The following UBE2U variants were observed in gnomAD, a reference collection of about 807,000 sequenced individuals.
UBE2U encodes the protein ubiquitin-conjugating enzyme E2 U.
UBE2U carries 39 observed loss-of-function variants against 41.2 expected under a neutral mutation model. That is an observed-to-expected ratio of 0.95 (90% CI 0.73 to 1.24). The LOEUF (loss-of-function observed/expected upper bound fraction) is 1.24, where lower values mean the gene tolerates loss of function less well. UBE2U is among the 50% of genes most tolerant of loss of function. The probability of loss-of-function intolerance (pLI) is 0.00; values close to 1 mark genes in which losing one functional copy is unlikely to be tolerated. For missense variants in UBE2U, 336 were observed against 363.1 expected (o/e 0.93, Z 0.61); for synonymous variants, 107 against 117.8 (o/e 0.91, Z 0.60).
intron 8 of UBE2U, among the ~76,000 whole-genome samples, chr1:64,250,236 TTGAAA>T (rs1644984768): frequency 1.3e-5 from 2 of 152,188 alleles, no homozygotes; most frequent in South Asian, 2.1e-4. Flanking sequence ...AACCACATAG[TTGAAA>T]TGAACACATT....
chr1:64,254,553 C>G (rs1347211047), intron 8 of UBE2U, among the ~76,000 whole-genome samples: 1 of 152,168 alleles, frequency 6.6e-6, no homozygotes, highest in Non-Finnish European at 1.5e-5. Context: ...TCATAACAGA[C>G]TTTCAGACCA....
At chr1:64,239,761 T>C (rs113248515) in intron 7 of UBE2U, among the ~76,000 whole-genome samples, 3,286 of 152,220 alleles carry the variant, frequency 0.022, 118 homozygotes, top group African/African-American at 0.075. Flanking sequence ...CTTAATCCAG[T>C]CTATCATTGG....
At position 64,260,621 on chromosome 1, in the gene UBE2U, T is replaced by C. The variant is rs1645166322; in HGVS notation, c.696T>C (p.Cys232=). Residue 232 remains cysteine, a synonymous_variant, in exon 9 of 10, where the codon TGT becomes TGC. Transcript: ENST00000371077. ...TTTCTAGGTATTCCGTTATCAAGTG[T>C]TGGCTTGCTAGAAAAAGAATGCCTC... is the stretch of plus-strand genomic sequence containing the variant. ...EWNLKYSVIK[C]WLARKRMPHE... 1 of 1,549,126 alleles carries C rather than the reference T, an allele frequency of 6.5e-7. No individual in the cohort carries two copies. The highest frequency in any genetic ancestry group is 1.2e-5 in the South Asian group (1 of 83,948).
At chr1:64,250,756 C>T (rs1644994382) in intron 8 of UBE2U, among the ~76,000 whole-genome samples, 2 of 151,988 alleles carry the variant, frequency 1.3e-5, no homozygotes, top group Admixed American at 6.6e-5. Context: ...AGTTCATGTC[C>T]TTTGTAGGGA....
intron 6 of UBE2U, among the ~76,000 whole-genome samples, chr1:64,224,350 A>C (rs140321122): frequency 0.014 from 2,061 of 152,320 alleles, 23 homozygotes; most frequent in Middle Eastern, 0.031. Flanking sequence ...AACAAAACTG[A>C]TTAAGTAAAC....
At chr1:64,239,130 A>AAGGAGAAGG (rs1557730284) in intron 7 of UBE2U, among the ~76,000 whole-genome samples, 6 of 23,188 alleles carry the variant, frequency 2.6e-4, no homozygotes, top group African/African-American at 1.2e-3. Flanking sequence ...GAAGAAGAAG[A>AAGGAGAAGG]AGAAGAAGAA....
Position 64,259,038 on chromosome 1 carries a change from A to G in UBE2U, c.678-1565A>G, listed in dbSNP as rs1296447209. Among the ~76,000 whole-genome samples the G allele has an allele frequency of 2.6e-5, 4 of 151,318 alleles. No homozygotes were observed. In the East Asian group the frequency reaches 7.8e-4, roughly 29 times the overall value. On this transcript the variant is annotated intron_variant, in intron 8 of 9. Coordinates refer to ENST00000371077, the MANE Select transcript of UBE2U (RefSeq NM_001366232.2). ...TCTAACTGGCGTGAGATGGTATCTC[A>G]TTGTGGTTTTGATTTGCATTTCTCT...
At chr1:64,252,554 C>T (rs982800779) in intron 8 of UBE2U, among the ~76,000 whole-genome samples, 6 of 152,174 alleles carry the variant, frequency 3.9e-5, no homozygotes, top group African/African-American at 1.4e-4. Context: ...AAGGAACAGG[C>T]TGCCATCTTT....
At chr1:64,262,817 G>C (rs1314385374) in intron 9 of UBE2U, among the ~76,000 whole-genome samples, 2 of 152,278 alleles carry the variant, frequency 1.3e-5, no homozygotes, top group Middle Eastern at 3.4e-3. Flanking sequence ...AGGGATTCTA[G>C]GGGCCATCTT....
chr1:64,229,517 A>G (rs907478069), intron 6 of UBE2U, among the ~76,000 whole-genome samples: 1 of 152,188 alleles, frequency 6.6e-6, no homozygotes, highest in Non-Finnish European at 1.5e-5. Context: ...GAGAGGTTAG[A>G]TAACTTGCTC....
rs1437768538 is a variant in UBE2U, at chr1:64,210,794, G to C, written c.294G>C (p.Lys98Asn). ...TAGACTTTTTGGACAACCCTGAGAA[G>C]TGGAATACAAACTATACATTGAGCA... ...PCIDFLDNPEKWNTNYTLSSI... is the reference protein window; with the variant it reads ...PCIDFLDNPENWNTNYTLSSI... Residue 98 changes from lysine to asparagine, a missense_variant, in exon 4 of 10, where the codon AAG becomes AAC. Physicochemically the swap from Lys to Asn is moderately conservative, Grantham distance 94. Coordinates refer to ENST00000371077, the MANE Select transcript of UBE2U (RefSeq NM_001366232.2). 2.5e-6 allele frequency: 4 copies of C among 1,607,788 alleles called. No homozygotes were observed. In the African/African-American group the frequency reaches 4.0e-5, roughly 16 times the overall value.
intron 8 of UBE2U, among the ~76,000 whole-genome samples, chr1:64,258,290 T>C (rs1645126849): frequency 1.3e-5 from 2 of 152,222 alleles, no homozygotes; most frequent in Non-Finnish European, 2.9e-5. Context: ...CTGGTAGTAT[T>C]GTATAAGTGA....
At chr1:64,265,397 CAAT>C (rs772320423) in intron 9 of UBE2U, among the ~76,000 whole-genome samples, 5 of 152,130 alleles carry the variant, frequency 3.3e-5, no homozygotes, top group Non-Finnish European at 5.9e-5. Flanking sequence ...GTTAGTCCAT[CAAT>C]AATATGTTCA....
intron 6 of UBE2U, 142 bp from the exon 7 acceptor site, chr1:64,232,419 G>A: frequency 1.9e-6 from 1 of 538,404 alleles, no homozygotes; most frequent in Non-Finnish European, 3.3e-6. Context: ...GGATACAATT[G>A]TTAAAAATGC....
chr1:64,266,805 T>C (rs537901910), intron 9 of UBE2U, among the ~76,000 whole-genome samples: 1 of 152,272 alleles, frequency 6.6e-6, no homozygotes, highest in Non-Finnish European at 1.5e-5. Context: ...GCTAAATGAA[T>C]GAACTAACAA....
At chr1:64,207,869 T>C (rs1651399843) in intron 3 of UBE2U, among the ~76,000 whole-genome samples, 2 of 152,198 alleles carry the variant, frequency 1.3e-5, no homozygotes, top group Admixed American at 6.5e-5. Context: ...TCAAAGACAC[T>C]GACTTTTGCA....
chr1:64,234,012 A>G (rs1471781557), intron 7 of UBE2U, among the ~76,000 whole-genome samples: 1 of 152,090 alleles, frequency 6.6e-6, no homozygotes, highest in African/African-American at 2.4e-5. Flanking sequence ...TCCCTTGGCA[A>G]TATCTTCTTC....
chr1:64,228,906 G>T (rs1653083769), intron 6 of UBE2U, among the ~76,000 whole-genome samples: 1 of 144,568 alleles, frequency 6.9e-6, no homozygotes, highest in South Asian at 2.2e-4. Flanking sequence ...CTGTCTCCAG[G>T]CTGGATTGTA....
chr1:64,237,627 G>A (rs1644694412), intron 7 of UBE2U, among the ~76,000 whole-genome samples: 1 of 152,116 alleles, frequency 6.6e-6, no homozygotes, highest in Non-Finnish European at 1.5e-5. Flanking sequence ...AAGACACATT[G>A]TGCTAAGCTC....
Sources: gnomAD v4.1 joint callset for allele counts (sites outside exome capture counted in the v4.1 genomes callset) on GRCh38, gnomAD v4.1.1 for gene constraint, MANE v1.5 for transcripts, NCBI Gene and HGNC (gene_info 2026-07-23, HGNC 2026-07-21) for gene names.